The following CHRM3 variants were observed in gnomAD, a reference collection of about 807,000 sequenced individuals.
The protein encoded by CHRM3 is cholinergic receptor muscarinic 3.
Under a neutral mutation model 41.8 loss-of-function variants are expected in CHRM3, and 11 were observed. The observed-to-expected ratio is 0.26, with a 90% CI of 0.17 to 0.44. The LOEUF is 0.44. Ranked by LOEUF, CHRM3 falls within the 20% of genes least tolerant of loss-of-function variation. CHRM3 has a pLI of 1.00. For synonymous variants in CHRM3, 297 were observed against 301.4 expected, an observed-to-expected ratio of 0.99 and a Z score of 0.15; for missense variants, 571 against 745.4, an observed-to-expected ratio of 0.77 and a Z score of 2.72.
chr1:239,798,057 A>G (rs1284516229), intron 5 of CHRM3, among the ~76,000 whole-genome samples: 1 of 152,174 alleles, frequency 6.6e-6, no homozygotes, highest in Admixed American at 6.5e-5. Flanking sequence ...TCTACAAAAA[A>G]AAATGTCAAA....
intron 1 of CHRM3, among the ~76,000 whole-genome samples, chr1:239,456,316 G>A (rs1664932012): frequency 6.6e-6 from 1 of 152,136 alleles, no homozygotes; most frequent in Non-Finnish European, 1.5e-5. Context: ...GCCCTATGCA[G>A]GTAAACCGTT....
chr1:239,852,486 A>G (rs1457420274), intron 6 of CHRM3, among the ~76,000 whole-genome samples: 1 of 152,178 alleles, frequency 6.6e-6, no homozygotes, highest in Admixed American at 6.5e-5. Flanking sequence ...TTTCAGATAC[A>G]AGCAATACAA....
intron 1 of CHRM3, among the ~76,000 whole-genome samples, chr1:239,471,840 G>T (rs1302441710): frequency 6.6e-6 from 1 of 152,164 alleles, no homozygotes; most frequent in African/African-American, 2.4e-5. Flanking sequence ...ACCAAACCTG[G>T]AGCCAGGAAG....
chr1:239,555,537 G>A (rs1353382991), intron 3 of CHRM3, among the ~76,000 whole-genome samples: 2 of 152,200 alleles, frequency 1.3e-5, no homozygotes, highest in African/African-American at 4.8e-5. Flanking sequence ...AGGCACGCCA[G>A]CAGTGTGCTG....
intron 6 of CHRM3, among the ~76,000 whole-genome samples, chr1:239,843,447 C>CTTTTTTTTTTTTTT (rs34901177): frequency 7.4e-5 from 6 of 81,224 alleles, no homozygotes; most frequent in East Asian, 3.8e-4. Context: ...ACTCGCTTTC[C>CTTTTTTTTTTTTTT]TTTTTTTTTT....
chr1:239,580,637 C>A (rs1366297390), intron 3 of CHRM3, among the ~76,000 whole-genome samples: 1 of 140,998 alleles, frequency 7.1e-6, no homozygotes, highest in Non-Finnish European at 1.5e-5. Flanking sequence ...CCAGTGCTTG[C>A]TCTCATTTGT....
At chr1:239,883,997 A>C (rs1677858800) in intron 6 of CHRM3, among the ~76,000 whole-genome samples, 1 of 152,202 alleles carries the variant, frequency 6.6e-6, no homozygotes, top group African/African-American at 2.4e-5. Flanking sequence ...GAACCCCAAC[A>C]AACACCCACA....
intron 5 of CHRM3, among the ~76,000 whole-genome samples, chr1:239,776,551 A>G (rs1195730189): frequency 1.3e-5 from 2 of 152,140 alleles, no homozygotes; most frequent in Admixed American, 1.3e-4. Flanking sequence ...AAATTGATGT[A>G]AGGAAGGGAA....
At chr1:239,816,730 GTCTTTT>G (rs1671620306) in intron 5 of CHRM3, among the ~76,000 whole-genome samples, 1 of 101,728 alleles carries the variant, frequency 9.8e-6, no homozygotes. Flanking sequence ...CTGTGCCTCA[GTCTTTT>G]TTTTTTTTTT....
At chr1:239,809,150 G>C (rs1301673821) in intron 5 of CHRM3, among the ~76,000 whole-genome samples, 1 of 149,732 alleles carries the variant, frequency 6.7e-6, no homozygotes, top group African/African-American at 2.5e-5. Context: ...CTCCCGAGTA[G>C]CTGGGACTAC....
At chr1:239,623,284 C>T (rs1455864487) in intron 3 of CHRM3, among the ~76,000 whole-genome samples, 2 of 145,962 alleles carry the variant, frequency 1.4e-5, no homozygotes, top group Non-Finnish European at 3.0e-5. Context: ...CACAACAGGC[C>T]CCGGGGTGTG....
At chr1:239,655,272 A>G (rs1672614874) in intron 4 of CHRM3, among the ~76,000 whole-genome samples, 1 of 152,202 alleles carries the variant, frequency 6.6e-6, no homozygotes, top group Admixed American at 6.5e-5. Context: ...TGTAGCTGAA[A>G]TGTCATCCTG....
In CHRM3 at chr1:239,909,187, T is replaced by C. The variant is rs1398555662; in HGVS notation, c.1736T>C (p.Val579Ala). 1.2e-6 allele frequency: 2 copies of C among 1,613,186 alleles called. No individual in the cohort carries two copies. The highest frequency in any genetic ancestry group is 1.7e-6 in the Non-Finnish European group (2 of 1,179,760). ...RKQQYQQRQS[V>A]IFHKRAPEQA... is the part of the protein sequence containing the mutation. ...CAGCAGTACCAGCAGAGACAGTCGGTCATTTTTCACAAGCGCGCACCCGAG... is the reference window on the plus strand; with the variant it reads ...CAGCAGTACCAGCAGAGACAGTCGGCCATTTTTCACAAGCGCGCACCCGAG... Residue 579 changes from valine to alanine, a missense_variant, in exon 7 of 7, where the codon GTC (valine) becomes GCC (alanine). Around this residue, in one of 5 missense-constraint regions of CHRM3, gnomAD observed 44 missense variants for 39.7 expected, o/e 1.11. Coordinates refer to ENST00000676153, the MANE Select transcript of CHRM3 (RefSeq NM_001375978.1).
chr1:239,515,412 G>GTTTTTTTTTT (rs66467909), intron 2 of CHRM3, among the ~76,000 whole-genome samples: 3 of 136,016 alleles, frequency 2.2e-5, no homozygotes, highest in Non-Finnish European at 3.2e-5. Context: ...TGTTTTTTTT[G>GTTTTTTTTTT]TTTTTTTTTT....
chr1:239,859,431 TG>T lies in CHRM3; in HGVS notation c.-20+32054del, dbSNP rs66473165. ...TGTTGTTGTTGTTGTTTTTTTTTTT[TG>T]TTTTTTTTTTTGAGGTGGAGTCTCA... On this transcript the variant is annotated intron_variant, in intron 6 of 6. Transcript: ENST00000676153. 2.6e-4 allele frequency among the ~76,000 whole-genome samples: 36 copies of T among 138,332 alleles called. 1 individual carries two copies. Among genetic ancestry groups the T allele is most frequent in the South Asian group, 4.6e-4 (2 of 4,378 alleles). The allele number at this position is 138,332 out of a possible 152,430, so 90.8% of individuals were successfully genotyped here. A position where few individuals can be genotyped will look rare whatever the true frequency, so the allele number is the denominator to read the frequency against.
chr1:239,404,706 C>T (rs1159595381), intron 1 of CHRM3, among the ~76,000 whole-genome samples: 2 of 94,122 alleles, frequency 2.1e-5, no homozygotes, highest in Non-Finnish European at 4.0e-5. Flanking sequence ...TTAAATGTAT[C>T]ATGCTATATC....
At chr1:239,576,980 A>C (rs1388396007) in intron 3 of CHRM3, among the ~76,000 whole-genome samples, 1 of 152,174 alleles carries the variant, frequency 6.6e-6, no homozygotes, top group African/African-American at 2.4e-5. Context: ...TCCATATAAA[A>C]ATATTTTCAA....
chr1:239,812,670 G>A (rs949168599), intron 5 of CHRM3, among the ~76,000 whole-genome samples: 3 of 152,144 alleles, frequency 2.0e-5, no homozygotes, highest in African/African-American at 7.2e-5. Flanking sequence ...CTTCTAATGA[G>A]CAAACTATCC....
chr1:239,856,533 C>T (rs138267429), intron 6 of CHRM3, among the ~76,000 whole-genome samples: 117 of 152,216 alleles, frequency 7.7e-4, no homozygotes, highest in African/African-American at 2.6e-3. Context: ...CCATGCTTCC[C>T]GTGCAGCCTG....
Sources: allele counts gnomAD v4.1 joint callset (sites outside exome capture counted in the v4.1 genomes callset), GRCh38; gene constraint gnomAD v4.1.1; regional missense constraint gnomAD v4.1.1; transcripts MANE v1.5; gene names NCBI Gene and HGNC (gene_info 2026-07-23, HGNC 2026-07-21).